DSCAML1: variants seen among roughly 807,000 people sequenced by gnomAD.
DSCAML1 encodes DS cell adhesion molecule like 1.
In DSCAML1, 38 loss-of-function variants were observed where a neutral mutation model predicts 200.5. The ratio of observed to expected loss-of-function variants is 0.19; its 90% CI spans 0.15 to 0.25. The LOEUF is 0.25. Among genes scored for constraint, DSCAML1 ranks in the 10% least tolerant of loss-of-function variants. DSCAML1 has a pLI of 1.00. For missense variants in DSCAML1, 2,223 were observed against 2,858.8 expected (o/e 0.78, Z 5.07); for synonymous variants, 1,215 against 1,165.0 (o/e 1.04, Z -0.87).
chr11:117,680,962 C>G (rs1304527583), intron 3 of DSCAML1, among the ~76,000 whole-genome samples: 1 of 152,206 alleles, frequency 6.6e-6, no homozygotes. Flanking sequence ...ACTCAAAGAG[C>G]ATGGGGAAGG....
chr11:117,656,516 T>TATCG (rs1224505127), intron 3 of DSCAML1, among the ~76,000 whole-genome samples: 17 of 149,720 alleles, frequency 1.1e-4, no homozygotes, highest in South Asian at 2.1e-4. Flanking sequence ...TCTATCTATC[T>TATCG]ATCTATCTAT....
rs1380823088 is a variant in DSCAML1, at chr11:117,796,361, C to T, written c.46+673G>A. ...TGGGGCGCGCTGCCCGAGGTGGCCA[C>T]GGTGGCGCACCAAGCCGGGGCTAAA... On this transcript the variant is annotated intron_variant, in intron 1 of 32. Transcript: ENST00000651296. Among the ~76,000 whole-genome samples, 5 of 151,878 alleles carry T rather than the reference C, an allele frequency of 3.3e-5. 1 individual carries two copies. The highest frequency in any genetic ancestry group is 3.3e-4 in the Admixed American group (5 of 15,268).
intron 3 of DSCAML1, among the ~76,000 whole-genome samples, chr11:117,661,447 T>C (rs149220678): frequency 0.011 from 1,617 of 152,362 alleles, 80 homozygotes; most frequent in Admixed American, 0.089. Flanking sequence ...CTCTACTCAC[T>C]GTAACTTTTG....
intron 1 of DSCAML1, among the ~76,000 whole-genome samples, chr11:117,804,432 T>C (rs1388621618): frequency 1.3e-5 from 2 of 152,216 alleles, no homozygotes; most frequent in Non-Finnish European, 2.9e-5. Flanking sequence ...CATGCTTTTC[T>C]TTATCAAGCC....
rs143227689 is a variant in DSCAML1, at chr11:117,525,064, G to A, written c.678C>T (p.Pro226=). The A allele has an allele frequency of 1.0e-3, 1,604 of 1,575,102 alleles. 8 individuals carry two copies. The highest frequency in any genetic ancestry group is 7.7e-3 in the Middle Eastern group (41 of 5,326). The stretch of plus-strand genomic sequence containing the variant: ...GGGAGTGGAAGCCATCCAGGATGGT[G>A]GGGATCGACTCAGCAGGGTCTGGAA... The part of the protein sequence containing the change: ...LSVTDPAESI[P]TILDGFHSQE... Residue 226 remains proline (P), a synonymous_variant, in exon 5 of 33, where the codon CCC becomes CCT. Transcript: ENST00000651296.
At position 117,698,577 on chromosome 11, in the gene DSCAML1, GTTA is replaced by G. The variant is rs573044887; in HGVS notation, c.511+78211_511+78213del. On this transcript the variant is annotated intron_variant, in intron 3 of 32. Coordinates refer to ENST00000651296, the MANE Select transcript of DSCAML1 (RefSeq NM_020693.4). ...CATCCACCTGGGGGTTTGATCTCTT[GTTA>G]TTATTATTTTTTTTTCTTTAAATAG... is the stretch of plus-strand genomic sequence containing the variant. Among the ~76,000 whole-genome samples, 19 of 152,170 alleles carry G rather than the reference GTTA, an allele frequency of 1.2e-4. No individual in the cohort carries two copies. In the East Asian group the frequency reaches 3.5e-3, roughly 28 times the overall value.
chr11:117,698,775 A>G (rs1212957401), intron 3 of DSCAML1, among the ~76,000 whole-genome samples: 2 of 152,174 alleles, frequency 1.3e-5, no homozygotes, highest in African/African-American at 4.8e-5. Context: ...GTTTTAAACC[A>G]TGATGTTTTT....
intron 19 of DSCAML1, among the ~76,000 whole-genome samples, chr11:117,458,406 G>A (rs998074213): frequency 6.6e-6 from 1 of 152,194 alleles, no homozygotes; most frequent in African/African-American, 2.4e-5. Context: ...CCTAGCCCCA[G>A]CGTGTATCCA....
intron 3 of DSCAML1, among the ~76,000 whole-genome samples, chr11:117,597,830 T>C (rs975369350): frequency 3.3e-5 from 5 of 151,978 alleles, no homozygotes; most frequent in Non-Finnish European, 7.4e-5. Flanking sequence ...TTCCCTAACT[T>C]GGAAAGAAAA....
At chr11:117,644,908 C>T (rs1353501797) in intron 3 of DSCAML1, among the ~76,000 whole-genome samples, 1 of 152,260 alleles carries the variant, frequency 6.6e-6, no homozygotes, top group Non-Finnish European at 1.5e-5. Flanking sequence ...ACGCTGACCT[C>T]ACCTCAAACA....
At chr11:117,568,253 C>T (rs1374683734) in intron 3 of DSCAML1, among the ~76,000 whole-genome samples, 1 of 152,048 alleles carries the variant, frequency 6.6e-6, no homozygotes, top group African/African-American at 2.4e-5. Flanking sequence ...TATGACAAAC[C>T]CACAGCCAAT....
At chr11:117,769,220 TA>T (rs1231156886) in intron 3 of DSCAML1, among the ~76,000 whole-genome samples, 278 of 14,942 alleles carry the variant, frequency 0.019, 5 homozygotes, top group Non-Finnish European at 0.07. Context: ...ATTTTATATA[TA>T]TTGTATATAT....
chr11:117,780,232 G>GGAAAGAAAGAAAGAAAGAA lies in DSCAML1; in HGVS notation c.364+260_364+261insTTCTTTCTTTCTTTCTTTC, dbSNP rs1565280639. ...AAGAGAGAGAGAGAAAGAAAGAAAGGAAAGAAAGAAAGAAAGAAAGAAAGA... is the reference window on the plus strand; with the variant it reads ...AAGAGAGAGAGAGAAAGAAAGAAAGGGAAAGAAAGAAAGAAAGAAAAAGAAAGAAAGAAAGAAAGAAAGA... On this transcript the variant is annotated intron_variant, in intron 2 of 32. Transcript: ENST00000651296. The surrounding 1 kb of genome is among the most constrained non-coding windows in gnomAD (Gnocchi z 4.8). 6.1e-4 allele frequency among the ~76,000 whole-genome samples: 18 copies of GGAAAGAAAGAAAGAAAGAA among 29,578 alleles called. 1 individual carries two copies. The highest frequency in any genetic ancestry group is 2.6e-3 in the African/African-American group (16 of 6,270). 19.4% of individuals were successfully genotyped at this position (29,578 alleles called of 152,430 possible).
At chr11:117,781,291 GAAA>G (rs57780075) in intron 1 of DSCAML1, among the ~76,000 whole-genome samples, 5 of 118,558 alleles carry the variant, frequency 4.2e-5, no homozygotes, top group Admixed American at 8.3e-5. Flanking sequence ...ACTCTGTCTC[GAAA>G]AAAAAAAAAA....
chr11:117,704,932 C>T (rs547711306), intron 3 of DSCAML1, among the ~76,000 whole-genome samples: 35 of 152,116 alleles, frequency 2.3e-4, no homozygotes, highest in African/African-American at 7.5e-4. Context: ...TTCCCTTGTG[C>T]GCATTAGGTG....
chr11:117,625,241 C>T (rs555822534), intron 3 of DSCAML1, among the ~76,000 whole-genome samples: 3 of 152,080 alleles, frequency 2.0e-5, no homozygotes, highest in South Asian at 2.1e-4. Flanking sequence ...ATTTCAGGCC[C>T]GGGGAAAGTA....
chr11:117,459,086 G>T (rs74818585), intron 18 of DSCAML1, among the ~76,000 whole-genome samples, 177 bp from the exon 19 acceptor site: 79 of 152,294 alleles, frequency 5.2e-4, no homozygotes, highest in Admixed American at 9.1e-4. Flanking sequence ...GCGGGCCACT[G>T]CCCCCAGGCC....
rs142282183 is a variant in DSCAML1, at chr11:117,538,116, T to C, written c.512-5594A>G. 2.0e-5 allele frequency among the ~76,000 whole-genome samples: 3 copies of C among 152,338 alleles called. No individual in the cohort carries two copies. The East Asian group carries it at 5.8e-4, about 29-fold the overall frequency. ...ATCTTTTCAAATGGAACTCTGAATC[T>C]CTGAGGGTGTGGTGGTCTGGGAATG... is the stretch of plus-strand genomic sequence containing the variant. On this transcript the variant is annotated intron_variant, in intron 3 of 32. Coordinates refer to ENST00000651296, the MANE Select transcript of DSCAML1 (RefSeq NM_020693.4).
At chr11:117,680,741 A>G (rs1190241507) in intron 3 of DSCAML1, among the ~76,000 whole-genome samples, 1 of 152,194 alleles carries the variant, frequency 6.6e-6, no homozygotes, top group Non-Finnish European at 1.5e-5. Flanking sequence ...TTTGCCAAGG[A>G]AAGATCAAAC....
Sources: allele counts gnomAD v4.1 joint callset (sites outside exome capture counted in the v4.1 genomes callset), GRCh38; gene constraint gnomAD v4.1.1; non-coding constraint Gnocchi (gnomAD v3.1); transcripts MANE v1.5; gene names NCBI Gene and HGNC (gene_info 2026-07-23, HGNC 2026-07-21).